The following REDIC1 variants were observed in gnomAD, a reference collection of about 807,000 sequenced individuals.
REDIC1 encodes HEI10 Interacting Protein 1.
At chr12:39,769,328 A>G in the REDIC1 span, among the ~76,000 whole-genome samples, 2 of 152,014 alleles carry the variant, frequency 1.3e-5, no homozygotes, top group African/African-American at 2.4e-5. Context: ...AGATTTATCA[A>G]TTTCAGTTGA....
At chr12:39,674,240 T>A in the REDIC1 span, among the ~76,000 whole-genome samples, 3 of 152,298 alleles carry the variant, frequency 2.0e-5, no homozygotes, top group South Asian at 6.2e-4. Flanking sequence ...CACTTTGTAA[T>A]TTTTTTCTTC....
the REDIC1 span, among the ~76,000 whole-genome samples, chr12:39,771,145 T>A: frequency 6.6e-6 from 1 of 152,164 alleles, no homozygotes; most frequent in Non-Finnish European, 1.5e-5. Flanking sequence ...ACTCCGAGTG[T>A]GTGTCCCATC....
At chr12:39,735,034 C>T in the REDIC1 span, among the ~76,000 whole-genome samples, 470 of 152,250 alleles carry the variant, frequency 3.1e-3, 1 homozygote, top group African/African-American at 0.011. Flanking sequence ...GCCTAGAGTG[C>T]GCTTCTTGAG....
the REDIC1 span, among the ~76,000 whole-genome samples, chr12:39,696,351 G>A: frequency 0.046 from 6,997 of 150,724 alleles, 211 homozygotes; most frequent in East Asian, 0.077. Flanking sequence ...AGACCATCCC[G>A]GCTAAAACGG....
chr12:39,885,600 AC>A, the REDIC1 span, among the ~76,000 whole-genome samples: 1 of 152,292 alleles, frequency 6.6e-6, no homozygotes, highest in African/African-American at 2.4e-5. Flanking sequence ...ATATTATATT[AC>A]CACCGAAGCA....
chr12:39,780,878 G>A, the REDIC1 span, among the ~76,000 whole-genome samples: 1 of 152,170 alleles, frequency 6.6e-6, no homozygotes, highest in African/African-American at 2.4e-5. Flanking sequence ...GCTGCTTAGA[G>A]TATGAAAATA....
the REDIC1 span, among the ~76,000 whole-genome samples, chr12:39,881,770 G>A: frequency 6.6e-6 from 1 of 152,158 alleles, no homozygotes; most frequent in Non-Finnish European, 1.5e-5. Flanking sequence ...AGTGGGAGAG[G>A]ATGAAAAGAG....
chr12:39,767,019 G>A, the REDIC1 span, among the ~76,000 whole-genome samples: 3 of 152,034 alleles, frequency 2.0e-5, no homozygotes, highest in Non-Finnish European at 2.9e-5. Context: ...CATGAATCAC[G>A]AATGTTTTTA....
chr12:39,645,329 T>C, the REDIC1 span, among the ~76,000 whole-genome samples: 5 of 152,010 alleles, frequency 3.3e-5, no homozygotes, highest in Admixed American at 6.6e-5. Context: ...AAGCAAGCTT[T>C]ACTAATCAGG....
the REDIC1 span, among the ~76,000 whole-genome samples, chr12:39,852,822 G>C: frequency 6.6e-6 from 1 of 152,156 alleles, no homozygotes; most frequent in Non-Finnish European, 1.5e-5. Flanking sequence ...TTGCATAGCG[G>C]TATAACTTTG....
the REDIC1 span, among the ~76,000 whole-genome samples, chr12:39,780,130 C>A: frequency 6.6e-6 from 1 of 152,184 alleles, no homozygotes; most frequent in Admixed American, 6.5e-5. Context: ...ATACAAAACA[C>A]CATTCGTATA....
the REDIC1 span, among the ~76,000 whole-genome samples, chr12:39,730,428 G>A: frequency 3.3e-5 from 5 of 152,110 alleles, no homozygotes; most frequent in African/African-American, 1.2e-4. Flanking sequence ...GCTTAGTTTG[G>A]CTGGATATGA....
At chr12:39,743,313 A>G in the REDIC1 span, among the ~76,000 whole-genome samples, 348 of 152,262 alleles carry the variant, frequency 2.3e-3, 8 homozygotes, top group Non-Finnish European at 1.6e-4. Flanking sequence ...TTCACAGGCC[A>G]GGGGCACCAG....
chr12:39,844,783 C>T, the REDIC1 span, among the ~76,000 whole-genome samples: 5 of 151,834 alleles, frequency 3.3e-5, no homozygotes, highest in South Asian at 4.2e-4. Context: ...CCTCATCTGA[C>T]AAATTAAAAT....
At chr12:39,901,738 T>C in the REDIC1 span, among the ~76,000 whole-genome samples, 1 of 137,218 alleles carries the variant, frequency 7.3e-6, no homozygotes, top group Non-Finnish European at 1.6e-5. Flanking sequence ...TTTGACACTG[T>C]TGGTGGGACT....
At chr12:39,741,668 G>A in the REDIC1 span, among the ~76,000 whole-genome samples, 14 of 152,314 alleles carry the variant, frequency 9.2e-5, no homozygotes, top group African/African-American at 3.1e-4. Flanking sequence ...GGAGTTACAG[G>A]TAAAGACATA....
the REDIC1 span, among the ~76,000 whole-genome samples, chr12:39,873,127 T>C: frequency 6.6e-6 from 1 of 152,116 alleles, no homozygotes; most frequent in Non-Finnish European, 1.5e-5. Flanking sequence ...GACTCATTCA[T>C]CTTGAAAAAA....
chr12:39,849,846 C>T, the REDIC1 span, among the ~76,000 whole-genome samples: 31 of 152,054 alleles, frequency 2.0e-4, no homozygotes, highest in East Asian at 3.9e-3. Context: ...ATGGCTACTC[C>T]CTTCTTTTTT....
the REDIC1 span, among the ~76,000 whole-genome samples, chr12:39,691,892 G>A: frequency 6.6e-6 from 1 of 151,874 alleles, no homozygotes; most frequent in Non-Finnish European, 1.5e-5. Context: ...GTTTACCACA[G>A]GCTAATTTTT....
Sources: gnomAD v4.1 joint callset for allele counts (sites outside exome capture counted in the v4.1 genomes callset) on GRCh38, gnomAD v4.1.1 for gene constraint, MANE v1.5 for transcripts, NCBI Gene and HGNC (gene_info 2026-07-23, HGNC 2026-07-21) for gene names.